Variants in FLNB observed in about 807,000 individuals in gnomAD.
FLNB encodes filamin-B.
In FLNB, 111 loss-of-function variants were observed where a neutral mutation model predicts 250.6. That is an observed-to-expected ratio of 0.44 (90% CI 0.38 to 0.52). The LOEUF is 0.52. Among genes scored for constraint, FLNB ranks in the 20% least tolerant of loss-of-function variants. The pLI is 0.00. For synonymous variants in FLNB, 1,302 were observed against 1,372.1 expected, an observed-to-expected ratio of 0.95 and a Z score of 1.13; for missense variants, 2,869 against 3,447.8, an observed-to-expected ratio of 0.83 and a Z score of 4.20.
At chr3:58,110,601 C>T (rs530041965) in intron 16 of FLNB, among the ~76,000 whole-genome samples, 10 of 152,254 alleles carry the variant, frequency 6.6e-5, no homozygotes, top group South Asian at 4.1e-4. Flanking sequence ...CAGGCCACCA[C>T]GCCTGGCTAA....
At chr3:58,010,970 A>G (rs2106666911) in intron 1 of FLNB, among the ~76,000 whole-genome samples, 1 of 152,116 alleles carries the variant, frequency 6.6e-6, no homozygotes, top group East Asian at 1.9e-4. Flanking sequence ...GCTGGAGTAC[A>G]ATGGTGCCAT....
At chr3:58,030,303 T>C (rs1285096330) in intron 1 of FLNB, among the ~76,000 whole-genome samples, 1 of 152,074 alleles carries the variant, frequency 6.6e-6, no homozygotes, top group Non-Finnish European at 1.5e-5. Flanking sequence ...AGAAGGAAAA[T>C]GATTGGCTCA....
chr3:58,162,885 A>G (rs1341673586), intron 42 of FLNB: 3 of 454,824 alleles, frequency 6.6e-6, no homozygotes, highest in Non-Finnish European at 1.2e-5. Context: ...GAGGTTTTCT[A>G]AAGAAAGGAA....
chr3:58,116,942 T>G (rs1422535845), intron 18 of FLNB, among the ~76,000 whole-genome samples: 1 of 152,132 alleles, frequency 6.6e-6, no homozygotes, highest in African/African-American at 2.4e-5. Flanking sequence ...GCTTCTACCT[T>G]GAAATGTTCT....
At chr3:58,069,562 G>A (rs2106916926) in intron 1 of FLNB, among the ~76,000 whole-genome samples, 1 of 152,152 alleles carries the variant, frequency 6.6e-6, no homozygotes, top group Non-Finnish European at 1.5e-5. Flanking sequence ...TCTTTAGGTG[G>A]TTCTTGGTGC....
intron 1 of FLNB, among the ~76,000 whole-genome samples, chr3:58,066,594 C>T (rs2097186057): frequency 6.6e-6 from 1 of 152,198 alleles, no homozygotes; most frequent in African/African-American, 2.4e-5. Context: ...TTTCCCAGTG[C>T]TAGAAAGTGG....
At chr3:58,024,790 T>C (rs1200587621) in intron 1 of FLNB, among the ~76,000 whole-genome samples, 1 of 146,802 alleles carries the variant, frequency 6.8e-6, no homozygotes. Context: ...CTTGGCTCAC[T>C]GCAACCTCCA....
At chr3:58,090,569 T>C (rs575272424) in intron 4 of FLNB, among the ~76,000 whole-genome samples, 42 of 152,344 alleles carry the variant, frequency 2.8e-4, no homozygotes, top group African/African-American at 9.9e-4. Context: ...GATGCGTTAC[T>C]GTGACGTCAG....
At position 58,109,295 on chromosome 3, in the gene FLNB, C is replaced by T. The variant is rs181604174; in HGVS notation, c.2172C>T (p.Gly724=). ...IKHTIAVVWG[G]VNIPHSPYRV... ...ACACCATTGCTGTGGTCTGGGGAGG[C>T]GTGAACATCCCGCACAGCCCCTACA... Residue 724 remains glycine, a synonymous_variant, in exon 14 of 46, where the codon GGC becomes GGT. Transcript: ENST00000295956. 1.7e-5 allele frequency: 28 copies of T among 1,614,106 alleles called. 2 individuals carry two copies. In the Admixed American group the frequency reaches 1.8e-4, roughly 11 times the overall value.
intron 1 of FLNB, among the ~76,000 whole-genome samples, chr3:58,072,169 G>T (rs1277308966): frequency 6.6e-6 from 1 of 152,166 alleles, no homozygotes; most frequent in East Asian, 1.9e-4. Flanking sequence ...TAAGTAGTTC[G>T]AGAAAATGTA....
At position 58,116,258 on chromosome 3, in the gene FLNB, C is replaced by A. The variant is rs1428709651; in HGVS notation, c.2746-2614C>A. 2.6e-5 allele frequency among the ~76,000 whole-genome samples: 4 copies of A among 152,212 alleles called. No individual in the cohort carries two copies. The South Asian group carries it at 8.3e-4, about 31-fold the overall frequency. On this transcript the variant is annotated intron_variant, in intron 18 of 45. Coordinates refer to ENST00000295956, the MANE Select transcript of FLNB (RefSeq NM_001457.4). ...CCTGGGTCAGCCCAGAAAGCCACCC[C>A]CTGACACGGGGGAGGGAGCATACTT...
At chr3:58,122,374 T>C (rs2107171861) in intron 20 of FLNB, among the ~76,000 whole-genome samples, 1 of 150,738 alleles carries the variant, frequency 6.6e-6, no homozygotes, top group South Asian at 2.1e-4. Context: ...ATGCCTGTAA[T>C]CCCAGCTACT....
intron 1 of FLNB, among the ~76,000 whole-genome samples, chr3:58,016,441 A>G (rs1301402449): frequency 7.2e-6 from 1 of 139,812 alleles, no homozygotes; most frequent in East Asian, 1.9e-4. Flanking sequence ...TCCTATTAGC[A>G]GAAAGTTTTG....
chr3:58,022,477 G>A (rs964934235), intron 1 of FLNB, among the ~76,000 whole-genome samples: 1 of 152,174 alleles, frequency 6.6e-6, no homozygotes, highest in African/African-American at 2.4e-5. Flanking sequence ...TAGAGAACAA[G>A]GCCTTTTCCA....
chr3:58,108,500 G>A lies in FLNB; in HGVS notation c.1984G>A (p.Val662Ile), dbSNP rs1559698433. The A allele has an allele frequency of 6.2e-6, 10 of 1,614,128 alleles. No homozygotes were observed. The highest frequency in any genetic ancestry group is 1.1e-5 in the South Asian group (1 of 91,074). ...AGGTTTGGAGAAATCTGGATGCATT[G>A]TCAACAACCTGGCCGAGTTCACTGT... ...GPGLEKSGCI[V>I]NNLAEFTVDP... The change falls in exon 13 of 46, where the codon GTC becomes ATC. Residue 662 changes from valine (V) to isoleucine (I), a missense_variant. Physicochemically the swap from Val to Ile is conservative, Grantham distance 29. Around this residue, in one of 5 missense-constraint regions of FLNB, gnomAD observed 1,348 missense variants for 1,466.7 expected, o/e 0.92. Transcript: ENST00000295956.
chr3:58,144,755 T>C (rs1269721781), intron 32 of FLNB, among the ~76,000 whole-genome samples: 1 of 152,228 alleles, frequency 6.6e-6, no homozygotes, highest in Admixed American at 6.5e-5. Flanking sequence ...TCCACAAAAT[T>C]TGCCAGTAGA....
chr3:58,063,463 G>C (rs954043739), intron 1 of FLNB, among the ~76,000 whole-genome samples: 2 of 152,144 alleles, frequency 1.3e-5, no homozygotes, highest in African/African-American at 4.8e-5. Flanking sequence ...ATAAAGTTGA[G>C]CCGTCAGCTG....
At position 58,142,479 on chromosome 3, in the gene FLNB, T is replaced by G. The variant is rs2097328743; in HGVS notation, c.5182-171T>G. Among the ~76,000 whole-genome samples the G allele has an allele frequency of 6.6e-6, 1 of 152,174 alleles. No homozygotes were observed. The highest frequency in any genetic ancestry group is 2.4e-5 in the African/African-American group (1 of 41,446). ...GCATGACCTCTCCAGTCCCTCAGGT[T>G]CTACCCTGGGTCTGGAGCCACTTAG... On this transcript the variant is annotated intron_variant, in intron 30 of 45. Coordinates refer to ENST00000295956, the MANE Select transcript of FLNB (RefSeq NM_001457.4). The surrounding 1 kb of genome is among the most constrained non-coding windows in gnomAD (Gnocchi z 4.3).
At chr3:58,110,208 G>A in intron 16 of FLNB, 38 bp downstream of exon 16, 2 of 1,609,536 alleles carry the variant, frequency 1.2e-6, no homozygotes, top group Non-Finnish European at 8.5e-7. Flanking sequence ...GGTGGAGTAG[G>A]CCTGGATTCT....
Sources: gnomAD v4.1 joint callset for allele counts (sites outside exome capture counted in the v4.1 genomes callset) on GRCh38, gnomAD v4.1.1 for gene constraint, gnomAD v4.1.1 regional missense constraint, Gnocchi (gnomAD v3.1) non-coding constraint, MANE v1.5 for transcripts, NCBI Gene and HGNC (gene_info 2026-07-23, HGNC 2026-07-21) for gene names.